Variants in NREP observed in about 807,000 individuals in gnomAD.
The protein encoded by NREP is neuronal regeneration related protein.
NREP carries 5 observed loss-of-function variants against 8.6 expected under a neutral mutation model. That is an observed-to-expected ratio of 0.58 (90% CI 0.30 to 1.22). The LOEUF is 1.22. Among genes scored for constraint, NREP ranks in the 50% most tolerant of loss-of-function variants. The pLI is 0.07. For synonymous variants in NREP, 27 were observed against 28.0 expected (o/e 0.96, Z 0.11); for missense variants, 86 against 82.5 (o/e 1.04, Z -0.17).
intron 2 of NREP, among the ~76,000 whole-genome samples, chr5:111,873,343 A>T (rs1396728123): frequency 6.6e-6 from 1 of 152,182 alleles, no homozygotes; most frequent in African/African-American, 2.4e-5. Context: ...CAAACTTATT[A>T]TCTAATTGCT....
At chr5:111,779,738 T>C (rs185192004) in intron 2 of NREP, among the ~76,000 whole-genome samples, 2 of 152,318 alleles carry the variant, frequency 1.3e-5, no homozygotes, top group South Asian at 2.1e-4. Flanking sequence ...AGGCTTCTCC[T>C]GGGTCAATCC....
At chr5:111,790,282 G>T (rs576689715) in intron 2 of NREP, among the ~76,000 whole-genome samples, 1 of 147,372 alleles carries the variant, frequency 6.8e-6, no homozygotes, top group Non-Finnish European at 1.5e-5. Context: ...ATACCCTACT[G>T]GTGAGTCTTT....
intron 2 of NREP, among the ~76,000 whole-genome samples, chr5:111,802,845 G>A (rs1326740727): frequency 1.3e-5 from 2 of 152,248 alleles, no homozygotes; most frequent in East Asian, 3.9e-4. Flanking sequence ...GGGTTGCAAG[G>A]GACTATGAGC....
chr5:111,940,052 G>A (rs961091998), intron 2 of NREP: 2 of 151,988 alleles, frequency 1.3e-5, no homozygotes, highest in Admixed American at 1.3e-4. Flanking sequence ...CAGTGAAGAA[G>A]AAGAATCAAG....
chr5:111,889,827 T>G (rs955770825), intron 2 of NREP, among the ~76,000 whole-genome samples: 3 of 151,722 alleles, frequency 2.0e-5, no homozygotes, highest in African/African-American at 7.3e-5. Context: ...TTTCATAGGA[T>G]TTGGGTAGGT....
At chr5:111,974,532 A>G (rs886117049) in intron 2 of NREP, 8 of 152,240 alleles carry the variant, frequency 5.3e-5, no homozygotes, top group African/African-American at 1.9e-4. Flanking sequence ...ATAAAATGCC[A>G]GGAATGCTTG....
chr5:111,971,146 A>G (rs528314333), intron 2 of NREP, among the ~76,000 whole-genome samples: 1 of 152,188 alleles, frequency 6.6e-6, no homozygotes, highest in Non-Finnish European at 1.5e-5. Context: ...AGGATTCAAA[A>G]TTGGTATGAG....
chr5:111,921,151 CCTCTCTCT>C (rs1023332414), intron 2 of NREP, among the ~76,000 whole-genome samples: 1 of 151,754 alleles, frequency 6.6e-6, no homozygotes, highest in Non-Finnish European at 1.5e-5. Flanking sequence ...TCTCCTCTCT[CCTCTCTCT>C]CTCTCTTCTC....
At chr5:111,867,214 T>C (rs1753687978) in intron 2 of NREP, among the ~76,000 whole-genome samples, 1 of 151,776 alleles carries the variant, frequency 6.6e-6, no homozygotes, top group Non-Finnish European at 1.5e-5. Context: ...CACAACAAAA[T>C]ACCATAGACT....
intron 2 of NREP, among the ~76,000 whole-genome samples, chr5:111,779,424 C>T (rs1012869326): frequency 3.3e-5 from 5 of 152,288 alleles, no homozygotes; most frequent in South Asian, 2.1e-4. Flanking sequence ...TAGCTACTGT[C>T]TGTTAGTCTT....
chr5:111,888,340 G>GA (rs11443666), intron 2 of NREP, among the ~76,000 whole-genome samples: 7 of 143,264 alleles, frequency 4.9e-5, no homozygotes, highest in African/African-American at 1.5e-4. Flanking sequence ...ATTGCTGGGT[G>GA]GCGGGGGGGG....
At chr5:111,735,139 G>T (rs1748984522) in intron 3 of NREP, 1 of 331,212 alleles carries the variant, frequency 3.0e-6, no homozygotes, top group Non-Finnish European at 5.5e-6. Context: ...ATTTGAGTTT[G>T]TCTAACCAGA....
At chr5:111,861,106 C>G (rs997492698) in intron 2 of NREP, among the ~76,000 whole-genome samples, 3 of 152,186 alleles carry the variant, frequency 2.0e-5, no homozygotes, top group Non-Finnish European at 2.9e-5. Flanking sequence ...AGCGTGCATT[C>G]AGAAGTGAAC....
chr5:111,746,560 G>A (rs1750019373), intron 2 of NREP, among the ~76,000 whole-genome samples: 1 of 152,020 alleles, frequency 6.6e-6, no homozygotes, highest in Admixed American at 6.6e-5. Flanking sequence ...AACTAAATTG[G>A]CTAGGTATAT....
intron 2 of NREP, among the ~76,000 whole-genome samples, chr5:111,882,080 G>GA (rs1473268402): frequency 1.3e-5 from 2 of 152,056 alleles, no homozygotes; most frequent in South Asian, 2.1e-4. Context: ...TCAAAACTTT[G>GA]AAAAAAATGT....
chr5:111,933,723 G>T (rs527462099), intron 2 of NREP, among the ~76,000 whole-genome samples: 16 of 152,040 alleles, frequency 1.1e-4, no homozygotes, highest in Non-Finnish European at 2.4e-4. Context: ...GGGTATCACT[G>T]AGTCCCAGAA....
intron 2 of NREP, among the ~76,000 whole-genome samples, chr5:111,796,997 T>C (rs1420164591): frequency 6.6e-6 from 1 of 152,000 alleles, no homozygotes; most frequent in Admixed American, 6.6e-5. Flanking sequence ...CTAAGAGGAA[T>C]AGTGGAGTCT....
intron 2 of NREP, among the ~76,000 whole-genome samples, chr5:111,841,725 T>G (rs889386636): frequency 1.3e-5 from 2 of 152,114 alleles, no homozygotes; most frequent in Admixed American, 1.3e-4. Context: ...TTTTTCTTAG[T>G]GGGAGGCCTT....
chr5:111,898,172 G>C (rs968039026), intron 2 of NREP, among the ~76,000 whole-genome samples: 3 of 152,134 alleles, frequency 2.0e-5, no homozygotes, highest in Non-Finnish European at 4.4e-5. Flanking sequence ...TAATTTAAAG[G>C]CTCAATCTGG....
Sources: allele counts gnomAD v4.1 joint callset (sites outside exome capture counted in the v4.1 genomes callset), GRCh38; gene constraint gnomAD v4.1.1; transcripts MANE v1.5; gene names NCBI Gene and HGNC (gene_info 2026-07-23, HGNC 2026-07-21).